The following CACNA2D1 variants were observed in gnomAD, a reference collection of about 807,000 sequenced individuals.
The protein encoded by CACNA2D1 is calcium voltage-gated channel auxiliary subunit alpha2delta 1.
In CACNA2D1, 53 loss-of-function variants were observed where a neutral mutation model predicts 171.5. The observed-to-expected ratio is 0.31, with a 90% confidence interval of 0.25 to 0.39. The LOEUF is 0.39. Among genes scored for constraint, CACNA2D1 ranks in the 10% least tolerant of loss-of-function variants. The probability of loss-of-function intolerance (pLI) is 1.00; values close to 1 mark genes in which losing one functional copy is unlikely to be tolerated. For missense variants in CACNA2D1, 903 were observed against 1,299.8 expected, an observed-to-expected ratio of 0.69 and a Z score of 4.69; for synonymous variants, 442 against 443.1, an observed-to-expected ratio of 1.00 and a Z score of 0.03.
chr7:82,387,498 T>C (rs1007418384), intron 1 of CACNA2D1, among the ~76,000 whole-genome samples: 19 of 152,348 alleles, frequency 1.2e-4, no homozygotes, highest in African/African-American at 4.6e-4. Context: ...TAACGTGTCT[T>C]TAAATTCACA....
chr7:82,427,065 C>T (rs375424439), intron 1 of CACNA2D1, among the ~76,000 whole-genome samples: 2 of 152,094 alleles, frequency 1.3e-5, no homozygotes, highest in Non-Finnish European at 2.9e-5. Context: ...CAGTAATATA[C>T]GCAGTTTCAG....
At position 82,007,761 on chromosome 7, in the gene CACNA2D1, A is replaced by G; in HGVS notation, c.1363-5T>C. On this transcript the variant is annotated splice_polypyrimidine_tract_variant and splice_region_variant and intron_variant, in intron 15 of 38. Coordinates refer to ENST00000356860, the MANE Select transcript of CACNA2D1 (RefSeq NM_000722.4). ...AGTAATGACAAGTCCCAGTTCCTAA[A>G]AATAGATTCAGAGAGAAAGGGCAAA... 6.5e-7 allele frequency: 1 copy of G among 1,546,458 alleles called. No individual in the cohort carries two copies. Among genetic ancestry groups the G allele is most frequent in the Non-Finnish European group, 8.9e-7 (1 of 1,118,762 alleles).
chr7:82,203,041 G>C (rs187603297), intron 3 of CACNA2D1, among the ~76,000 whole-genome samples: 1 of 152,108 alleles, frequency 6.6e-6, no homozygotes, highest in Non-Finnish European at 1.5e-5. Context: ...TGTGCAACCC[G>C]GTCCCCCCTA....
chr7:82,043,902 T>C (rs1804242412), intron 10 of CACNA2D1, among the ~76,000 whole-genome samples: 1 of 152,220 alleles, frequency 6.6e-6, no homozygotes, highest in South Asian at 2.1e-4. Flanking sequence ...TTCCTTTGAA[T>C]GGTTTAGTGC....
At chr7:81,981,308 T>C (rs1404705445) in intron 24 of CACNA2D1, among the ~76,000 whole-genome samples, 1 of 152,034 alleles carries the variant, frequency 6.6e-6, no homozygotes, top group Non-Finnish European at 1.5e-5. Context: ...AACAGAATAG[T>C]GTGTCATCAA....
At chr7:82,324,121 C>T (rs1312051548) in intron 3 of CACNA2D1, among the ~76,000 whole-genome samples, 2 of 152,132 alleles carry the variant, frequency 1.3e-5, no homozygotes, top group African/African-American at 2.4e-5. Flanking sequence ...CTTTGGGAGG[C>T]TGAGGTGGGC....
chr7:81,959,927 A>G lies in CACNA2D1; in HGVS notation c.2967-98T>C, dbSNP rs955239124. On this transcript the variant is annotated intron_variant, in intron 36 of 38. Coordinates refer to ENST00000356860, the MANE Select transcript of CACNA2D1 (RefSeq NM_000722.4). ...TACATATTAAAATGAAAGACAAAAT[A>G]TGACATCTGAAACAGAAACCATTCC... The G allele has an allele frequency of 3.3e-6, 5 of 1,506,258 alleles. No individual in the cohort carries two copies. In the Admixed American group the frequency reaches 6.0e-5, roughly 18 times the overall value. 93.3% of individuals were successfully genotyped at this position (1,506,258 alleles called of 1,614,324 possible).
At chr7:82,146,272 A>C (rs2129097963) in intron 4 of CACNA2D1, among the ~76,000 whole-genome samples, 1 of 151,358 alleles carries the variant, frequency 6.6e-6, no homozygotes, top group African/African-American at 2.4e-5. Flanking sequence ...CATGACGTTC[A>C]CTAAAAGGAA....
chr7:82,025,914 A>C (rs1017432580), intron 12 of CACNA2D1, among the ~76,000 whole-genome samples: 1 of 151,492 alleles, frequency 6.6e-6, no homozygotes, highest in East Asian at 1.9e-4. Context: ...ATTGCTGCCT[A>C]TTTGCCCCTT....
At chr7:82,423,240 C>T (rs2368025) in intron 1 of CACNA2D1, among the ~76,000 whole-genome samples, 25,781 of 151,868 alleles carry the variant, frequency 0.17, 2,950 homozygotes, top group East Asian at 0.46. Context: ...CTTTCTTTAA[C>T]GTAGAGAGAA....
chr7:82,180,317 T>C lies in CACNA2D1; in HGVS notation c.295-9708A>G, dbSNP rs548908407. Among the ~76,000 whole-genome samples, 3 of 152,226 alleles carry C rather than the reference T, an allele frequency of 2.0e-5. No individual in the cohort carries two copies. In the East Asian group the frequency reaches 5.8e-4, roughly 30 times the overall value. ...GTTCATCAGCTGTAACACATACCAT[T>C]GCATACACCATAGGCCCTTGGGTCA... is the stretch of plus-strand genomic sequence containing the variant. On this transcript the variant is annotated intron_variant, in intron 3 of 38. Coordinates refer to ENST00000356860, the MANE Select transcript of CACNA2D1 (RefSeq NM_000722.4).
Position 82,297,532 on chromosome 7 carries a change from TCC to T in CACNA2D1, c.294+37601_294+37602del, listed in dbSNP as rs559504396. On this transcript the variant is annotated intron_variant, in intron 3 of 38. Coordinates refer to ENST00000356860, the MANE Select transcript of CACNA2D1 (RefSeq NM_000722.4). ...ATTTGTAGACTAGCAGAGTCAACAT[TCC>T]TTTTCAAAAAAAATTTTTGTAAAAA... Among the ~76,000 whole-genome samples, 347 of 152,272 alleles carry T rather than the reference TCC, an allele frequency of 2.3e-3. 2 individuals are homozygous for T. The highest frequency in any genetic ancestry group is 5.8e-3 in the South Asian group (28 of 4,824).
intron 7 of CACNA2D1, among the ~76,000 whole-genome samples, chr7:82,084,239 T>C (rs1221890019): frequency 1.3e-5 from 2 of 152,172 alleles, no homozygotes; most frequent in Non-Finnish European, 2.9e-5. Context: ...ATTGAGTATG[T>C]ATGATCACTG....
In CACNA2D1 at chr7:82,405,489, C is replaced by G. The variant is rs143144337; in HGVS notation, c.95+37876G>C. ...GCAACATCCCTGGGAAAAATTAACA[C>G]TGATCTTACAGGAGGCTACTGAGTA... is the stretch of plus-strand genomic sequence containing the variant. On this transcript the variant is annotated intron_variant, in intron 1 of 38. Transcript: ENST00000356860. Among the ~76,000 whole-genome samples, 893 of 152,228 alleles carry G rather than the reference C, an allele frequency of 5.9e-3. 7 individuals carry two copies. Among genetic ancestry groups the G allele is most frequent in the African/African-American group, 0.015 (620 of 41,526 alleles).
At chr7:82,163,693 G>A (rs1290560808) in intron 4 of CACNA2D1, among the ~76,000 whole-genome samples, 2 of 151,916 alleles carry the variant, frequency 1.3e-5, no homozygotes, top group African/African-American at 4.8e-5. Context: ...TTTTTGCATA[G>A]AGCACATTGA....
intron 4 of CACNA2D1, among the ~76,000 whole-genome samples, chr7:82,165,980 A>G (rs182546917): frequency 6.6e-6 from 1 of 152,092 alleles, no homozygotes; most frequent in African/African-American, 2.4e-5. Flanking sequence ...AAGACCTCAT[A>G]CCAAGTGACT....
At chr7:82,175,935 GA>G (rs10709904) in intron 3 of CACNA2D1, among the ~76,000 whole-genome samples, 28,508 of 151,432 alleles carry the variant, frequency 0.19, 4,580 homozygotes, top group African/African-American at 0.43. Flanking sequence ...CGAAATAAAT[GA>G]AAAAAAATCT....
chr7:81,956,149 AT>A (rs2130078621), intron 38 of CACNA2D1, among the ~76,000 whole-genome samples: 1 of 150,964 alleles, frequency 6.6e-6, no homozygotes, highest in Admixed American at 6.6e-5. Flanking sequence ...TAATTTTTGT[AT>A]TTTAGTAGAG....
At chr7:82,385,255 G>A (rs1277655346) in intron 1 of CACNA2D1, among the ~76,000 whole-genome samples, 1 of 152,232 alleles carries the variant, frequency 6.6e-6, no homozygotes, top group African/African-American at 2.4e-5. Context: ...GAATAAGAAA[G>A]TTCAGAATGT....
Sources: gnomAD v4.1 joint callset for allele counts (sites outside exome capture counted in the v4.1 genomes callset) on GRCh38, gnomAD v4.1.1 for gene constraint, MANE v1.5 for transcripts, NCBI Gene and HGNC (gene_info 2026-07-23, HGNC 2026-07-21) for gene names.